Variants in SLC10A7 observed in about 807,000 individuals in gnomAD.
The protein encoded by SLC10A7 is solute carrier family 10 member 7.
In SLC10A7, 29 loss-of-function variants were observed where a neutral mutation model predicts 43.2. The observed-to-expected ratio is 0.67, with a 90% CI of 0.50 to 0.92. The LOEUF is 0.92. SLC10A7 is among the 40% of genes least tolerant of loss of function. The pLI is 0.00. For missense variants in SLC10A7, 295 were observed against 403.2 expected (o/e 0.73, Z 2.30); for synonymous variants, 152 against 144.8 (o/e 1.05, Z -0.35).
At chr4:146,329,390 T>A (rs1344415893) in intron 5 of SLC10A7, among the ~76,000 whole-genome samples, 1 of 152,232 alleles carries the variant, frequency 6.6e-6, no homozygotes, top group Non-Finnish European at 1.5e-5. Context: ...ATTTATGTAG[T>A]ACTTATGTTG....
intron 10 of SLC10A7, among the ~76,000 whole-genome samples, chr4:146,267,439 C>T (rs886906353): frequency 6.6e-6 from 1 of 152,136 alleles, no homozygotes; most frequent in African/African-American, 2.4e-5. Flanking sequence ...CTGCAGAGTC[C>T]CCCAGGAAGG....
intron 1 of SLC10A7, among the ~76,000 whole-genome samples, chr4:146,519,066 CATATATATATATATATATATATAT>C (rs869090267): frequency 1.0e-3 from 6 of 5,982 alleles, no homozygotes; most frequent in South Asian, 0.024. Flanking sequence ...GAAAAATCAC[CATATATATATATATATATATATAT>C]ATATATATAT....
intron 4 of SLC10A7, among the ~76,000 whole-genome samples, chr4:146,454,286 T>A (rs1053649434): frequency 6.6e-6 from 1 of 151,904 alleles, no homozygotes; most frequent in Non-Finnish European, 1.5e-5. Flanking sequence ...GATTGCATCC[T>A]CCTGAAATCT....
At chr4:146,378,040 T>A (rs1444438892) in intron 5 of SLC10A7, among the ~76,000 whole-genome samples, 1 of 152,204 alleles carries the variant, frequency 6.6e-6, no homozygotes, top group African/African-American at 2.4e-5. Flanking sequence ...CTGTCTCTAT[T>A]CTTAGAGCAT....
chr4:146,285,829 G>A (rs1375207850), intron 9 of SLC10A7, among the ~76,000 whole-genome samples: 4 of 152,022 alleles, frequency 2.6e-5, no homozygotes, highest in African/African-American at 4.8e-5. Flanking sequence ...TGTGTTTGGA[G>A]TGGTGAAAAG....
At chr4:146,442,856 T>G in intron 4 of SLC10A7, 35 bp from the exon 5 acceptor site, 1 of 1,373,416 alleles carries the variant, frequency 7.3e-7, no homozygotes, top group Non-Finnish European at 1.0e-6. Context: ...AAAAACTCAT[T>G]GAAAGTAAAT....
intron 10 of SLC10A7, among the ~76,000 whole-genome samples, chr4:146,263,283 T>C (rs1728349343): frequency 6.6e-6 from 1 of 152,220 alleles, no homozygotes; most frequent in South Asian, 2.1e-4. Flanking sequence ...GCTACCCTTA[T>C]TATCATTGCC....
intron 10 of SLC10A7, among the ~76,000 whole-genome samples, chr4:146,270,776 G>C (rs769781419): frequency 9.9e-5 from 15 of 152,118 alleles, no homozygotes; most frequent in Non-Finnish European, 1.9e-4. Context: ...TTTCTAGTTT[G>C]GACAATGAGA....
intron 5 of SLC10A7, chr4:146,441,854 A>G: frequency 1.0e-6 from 1 of 985,054 alleles, no homozygotes; most frequent in Non-Finnish European, 1.2e-6. Flanking sequence ...CTATGTAACA[A>G]CATGTTTAAA....
intron 4 of SLC10A7, among the ~76,000 whole-genome samples, chr4:146,472,436 G>GTTTTTTTTTTTT (rs5862760): frequency 7.8e-6 from 1 of 128,940 alleles, no homozygotes. Context: ...GGCTTATTCT[G>GTTTTTTTTTTTT]TTTTTTTTTT....
chr4:146,424,033 G>A (rs1321058109), intron 5 of SLC10A7, among the ~76,000 whole-genome samples: 1 of 152,144 alleles, frequency 6.6e-6, no homozygotes, highest in Non-Finnish European at 1.5e-5. Context: ...ATAGTCCCAT[G>A]AGAACAGTTG....
intron 4 of SLC10A7, among the ~76,000 whole-genome samples, chr4:146,453,896 G>A (rs73852857): frequency 0.017 from 2,537 of 151,974 alleles, 79 homozygotes; most frequent in African/African-American, 0.059. Flanking sequence ...CAATATGCAT[G>A]GGGCAAGAGA....
At chr4:146,338,187 T>C (rs1734018667) in intron 5 of SLC10A7, among the ~76,000 whole-genome samples, 1 of 152,040 alleles carries the variant, frequency 6.6e-6, no homozygotes, top group African/African-American at 2.4e-5. Flanking sequence ...AGCATATCCA[T>C]TTGATAAGAA....
intron 4 of SLC10A7, among the ~76,000 whole-genome samples, chr4:146,448,360 A>G (rs1213386025): frequency 6.6e-6 from 1 of 152,150 alleles, no homozygotes; most frequent in East Asian, 1.9e-4. Flanking sequence ...TAAGCCTGAA[A>G]TCTATAACTT....
chr4:146,276,979 C>T (rs1729248757), intron 10 of SLC10A7, among the ~76,000 whole-genome samples: 1 of 151,910 alleles, frequency 6.6e-6, no homozygotes, highest in Non-Finnish European at 1.5e-5. Context: ...GAAAAAGGGA[C>T]AGCAGAAGCC....
At chr4:146,318,932 A>T (rs1732507444) in intron 6 of SLC10A7, among the ~76,000 whole-genome samples, 1 of 152,000 alleles carries the variant, frequency 6.6e-6, no homozygotes, top group Non-Finnish European at 1.5e-5. Flanking sequence ...TATCAGATTT[A>T]CTCAACCACT....
chr4:146,293,563 A>G lies in SLC10A7; in HGVS notation c.721+367T>C, dbSNP rs538432419. ...CTTAGAAATAATAGTATCATATATT[A>G]TACATCCTGTTTTTAAATCACAATA... On this transcript the variant is annotated intron_variant, in intron 8 of 11. Coordinates refer to ENST00000335472, the MANE Select transcript of SLC10A7 (RefSeq NM_001029998.6). Among the ~76,000 whole-genome samples, 191 of 152,326 alleles carry G rather than the reference A, an allele frequency of 1.3e-3. 2 individuals are homozygous for G. Among genetic ancestry groups the G allele is most frequent in the Middle Eastern group, 0.01 (3 of 294 alleles).
At chr4:146,508,997 C>G (rs963493031) in intron 3 of SLC10A7, among the ~76,000 whole-genome samples, 7 of 152,192 alleles carry the variant, frequency 4.6e-5, no homozygotes. Flanking sequence ...GAAAACACAA[C>G]AGGCTTGATC....
At chr4:146,441,434 A>G (rs1177522205) in intron 5 of SLC10A7, among the ~76,000 whole-genome samples, 2 of 152,164 alleles carry the variant, frequency 1.3e-5, no homozygotes, top group Admixed American at 6.6e-5. Flanking sequence ...TGTCAATTTT[A>G]TTTTCTCAAA....
Sources: gnomAD v4.1 joint callset for allele counts (sites outside exome capture counted in the v4.1 genomes callset) on GRCh38, gnomAD v4.1.1 for gene constraint, MANE v1.5 for transcripts, NCBI Gene and HGNC (gene_info 2026-07-23, HGNC 2026-07-21) for gene names.